ADAM12: variants seen among roughly 807,000 people sequenced by gnomAD.
The protein encoded by ADAM12 is disintegrin and metalloproteinase domain-containing protein 12.
ADAM12 carries 70 observed loss-of-function variants against 106.4 expected under a neutral mutation model. The observed-to-expected ratio is 0.66, with a 90% CI of 0.54 to 0.80. The LOEUF is 0.80. Ranked by LOEUF, ADAM12 falls within the 30% of genes least tolerant of loss-of-function variation. The pLI, the probability that ADAM12 is intolerant of heterozygous loss-of-function variation, is 0.00. For missense variants in ADAM12, 1,010 were observed against 1,171.9 expected, an observed-to-expected ratio of 0.86 and a Z score of 2.02; for synonymous variants, 420 against 433.5, an observed-to-expected ratio of 0.97 and a Z score of 0.39.
At chr10:126,283,198 A>G (rs1959672869) in intron 2 of ADAM12, among the ~76,000 whole-genome samples, 1 of 152,082 alleles carries the variant, frequency 6.6e-6, no homozygotes, top group Non-Finnish European at 1.5e-5. Context: ...CAGTGATGTG[A>G]GTGGTGGGGA....
intron 17 of ADAM12, among the ~76,000 whole-genome samples, chr10:126,044,576 G>A (rs775198102): frequency 3.9e-5 from 6 of 152,256 alleles, no homozygotes; most frequent in East Asian, 1.9e-4. Flanking sequence ...GCCTCAGCCC[G>A]CCATCAAAAT....
intron 3 of ADAM12, among the ~76,000 whole-genome samples, chr10:126,252,487 A>C (rs1958806511): frequency 6.6e-6 from 1 of 152,190 alleles, no homozygotes; most frequent in African/African-American, 2.4e-5. Flanking sequence ...CTAAGGCCAA[A>C]GGTCTGAGGA....
At chr10:126,113,687 AATATAT>A (rs71309278) in intron 6 of ADAM12, among the ~76,000 whole-genome samples, 226 of 24,058 alleles carry the variant, frequency 9.4e-3, no homozygotes, top group Non-Finnish European at 0.012. Context: ...AAAAAAAAAA[AATATAT>A]ATATATATAT....
chr10:126,125,838 G>A (rs545510050), intron 5 of ADAM12, among the ~76,000 whole-genome samples: 2 of 151,750 alleles, frequency 1.3e-5, no homozygotes, highest in South Asian at 2.1e-4. Context: ...AGAAGAGACC[G>A]AAGAGGAGAC....
intron 9 of ADAM12, 86 bp downstream of exon 9, chr10:126,100,986 C>A: frequency 6.9e-7 from 1 of 1,457,152 alleles, no homozygotes; most frequent in Non-Finnish European, 9.3e-7. Flanking sequence ...AGAAAGGTGG[C>A]AGCTCCTGGG....
intron 3 of ADAM12, among the ~76,000 whole-genome samples, chr10:126,215,373 A>G (rs543525307): frequency 3.3e-5 from 5 of 152,134 alleles, no homozygotes; most frequent in South Asian, 2.1e-4. Flanking sequence ...CTGCCCTTCC[A>G]TAACTCAGGG....
At chr10:126,177,341 G>A (rs925654054) in intron 3 of ADAM12, among the ~76,000 whole-genome samples, 2 of 151,846 alleles carry the variant, frequency 1.3e-5, no homozygotes, top group Non-Finnish European at 2.9e-5. Flanking sequence ...AATGATGACG[G>A]CCACCGTTTA....
At chr10:126,237,085 G>T (rs1201919486) in intron 3 of ADAM12, among the ~76,000 whole-genome samples, 1 of 152,100 alleles carries the variant, frequency 6.6e-6, no homozygotes, top group Non-Finnish European at 1.5e-5. Flanking sequence ...TTCCCCAGAT[G>T]CGTCTACGTT....
At chr10:126,183,419 C>T (rs956658438) in intron 3 of ADAM12, among the ~76,000 whole-genome samples, 1 of 152,102 alleles carries the variant, frequency 6.6e-6, no homozygotes, top group Non-Finnish European at 1.5e-5. Flanking sequence ...GCGAGCAGGG[C>T]GTCACATTGT....
intron 11 of ADAM12, among the ~76,000 whole-genome samples, chr10:126,078,541 C>T (rs957374221): frequency 6.6e-6 from 1 of 152,152 alleles, no homozygotes; most frequent in Non-Finnish European, 1.5e-5. Context: ...TGTAAGTTCT[C>T]GCTGCCTTCA....
intron 3 of ADAM12, among the ~76,000 whole-genome samples, chr10:126,216,943 T>G (rs1957998458): frequency 2.6e-5 from 4 of 152,246 alleles, no homozygotes. Flanking sequence ...TCCCATGCAC[T>G]GTGGTTTTGC....
At chr10:126,360,543 AAACATAACAAAAT>A (rs1855706797) in intron 1 of ADAM12, among the ~76,000 whole-genome samples, 1 of 152,178 alleles carries the variant, frequency 6.6e-6, no homozygotes, top group Non-Finnish European at 1.5e-5. Context: ...GTCTTTGCTA[AAACATAACAAAAT>A]TCACCTTTAC....
At chr10:126,030,985 G>C (rs2133389190) in intron 21 of ADAM12, among the ~76,000 whole-genome samples, 1 of 152,292 alleles carries the variant, frequency 6.6e-6, no homozygotes, top group African/African-American at 2.4e-5. Context: ...GCTGGACTTA[G>C]CTGTGCCTGG....
intron 3 of ADAM12, among the ~76,000 whole-genome samples, chr10:126,254,552 C>G (rs190600633): frequency 6.6e-6 from 1 of 152,340 alleles, no homozygotes; most frequent in African/African-American, 2.4e-5. Context: ...CAGAGTCCAC[C>G]TGCACAGGTG....
At chr10:126,136,306 A>G (rs1421719712) in intron 4 of ADAM12, among the ~76,000 whole-genome samples, 1 of 152,220 alleles carries the variant, frequency 6.6e-6, no homozygotes, top group African/African-American at 2.4e-5. Context: ...ACACTTCCTT[A>G]GTGAAGACAG....
At chr10:126,319,260 C>T (rs189142333) in intron 2 of ADAM12, among the ~76,000 whole-genome samples, 5 of 152,246 alleles carry the variant, frequency 3.3e-5, no homozygotes, top group Admixed American at 1.3e-4. Flanking sequence ...GTATGGGATG[C>T]GCACAGTGAC....
intron 21 of ADAM12, among the ~76,000 whole-genome samples, chr10:126,024,912 C>A (rs978535597): frequency 6.6e-6 from 1 of 151,734 alleles, no homozygotes; most frequent in Non-Finnish European, 1.5e-5. Flanking sequence ...CCAAGGGAAC[C>A]CTCACCATGG....
rs1366362878 is a variant in ADAM12 at position 126,388,353 on chromosome 10, TGCGTGCGC to T, written c.-216_-209del. 2.8e-6 allele frequency: 2 copies of T among 703,896 alleles called. No homozygotes were observed. The highest frequency in any genetic ancestry group is 4.8e-5 in the Admixed American group (1 of 20,728). 43.6% of individuals were successfully genotyped at this position (703,896 alleles called of 1,614,324 possible). On this transcript the variant is annotated 5_prime_UTR_variant, in exon 1 of 23. Coordinates refer to ENST00000448723, the MANE Select transcript of ADAM12 (RefSeq NM_001288973.2). This position sits in a 1 kb window ranked among gnomAD's most constrained non-coding sequence, Gnocchi z 4.4. Reference sequence around the variant, plus strand: ...AAAAGTTTCCCCCCGTGTGTGTGCGTGCGTGCGCGCGCGCGCGCCGTTCTGGCACAAGC... The same window carrying T: ...AAAAGTTTCCCCCCGTGTGTGTGCGTGCGCGCGCGCCGTTCTGGCACAAGC...
intron 3 of ADAM12, among the ~76,000 whole-genome samples, chr10:126,236,891 G>A (rs1469457990): frequency 1.3e-5 from 2 of 152,146 alleles, no homozygotes; most frequent in African/African-American, 2.4e-5. Flanking sequence ...GGGGTGACAG[G>A]AGCCATCCAC....
Sources: allele counts gnomAD v4.1 joint callset (sites outside exome capture counted in the v4.1 genomes callset), GRCh38; gene constraint gnomAD v4.1.1; non-coding constraint Gnocchi (gnomAD v3.1); transcripts MANE v1.5; gene names NCBI Gene and HGNC (gene_info 2026-07-23, HGNC 2026-07-21).